CSMD2: variants seen among roughly 807,000 people sequenced by gnomAD.
CSMD2 encodes CUB and Sushi multiple domains 2, also known as CUB and sushi domain-containing protein 2.
Under a neutral mutation model 398.5 loss-of-function variants are expected in CSMD2, and 130 were observed. That is an observed-to-expected ratio of 0.33 (90% CI 0.28 to 0.38). The LOEUF (loss-of-function observed/expected upper bound fraction) is 0.38, where lower values mean the gene tolerates loss of function less well. Among genes scored for constraint, CSMD2 ranks in the 10% least tolerant of loss-of-function variants. The pLI is 1.00. For missense variants in CSMD2, 3,829 were observed against 4,764.9 expected (o/e 0.80, Z 5.78); for synonymous variants, 1,828 against 1,908.5 (o/e 0.96, Z 1.10).
At chr1:33,792,385 C>T (rs368017022) in intron 11 of CSMD2, 38 bp downstream of exon 11, 57 of 1,492,848 alleles carry the variant, frequency 3.8e-5, no homozygotes, top group African/African-American at 3.4e-4. Context: ...CCCCAGCCAC[C>T]GTCCCACCTT....
chr1:33,818,313 T>C lies in CSMD2; in HGVS notation c.1324+1400A>G, dbSNP rs184405330. On this transcript the variant is annotated intron_variant, in intron 9 of 70. Coordinates refer to ENST00000373381, the MANE Select transcript of CSMD2 (RefSeq NM_001281956.2). ...CCGTCATCCATTCAACACCTGTTAC[T>C]GAGTACCTGCTACATGCCACGCCCC... 3.8e-3 allele frequency among the ~76,000 whole-genome samples: 585 copies of C among 152,298 alleles called. 4 individuals are homozygous for C. The highest frequency in any genetic ancestry group is 4.3e-3 in the Non-Finnish European group (294 of 68,024).
chr1:33,734,943 T>C (rs930067444), intron 15 of CSMD2, among the ~76,000 whole-genome samples: 1 of 152,204 alleles, frequency 6.6e-6, no homozygotes, highest in Non-Finnish European at 1.5e-5. Context: ...TCATAACTGA[T>C]ATGTTTGTCT....
intron 1 of CSMD2, among the ~76,000 whole-genome samples, chr1:34,160,931 A>G (rs549728914): frequency 1.3e-5 from 2 of 152,192 alleles, no homozygotes; most frequent in Non-Finnish European, 2.9e-5. Flanking sequence ...TCAGAATTCC[A>G]TCTACTTAAA....
At chr1:34,017,085 C>T (rs977691936) in intron 3 of CSMD2, among the ~76,000 whole-genome samples, 1 of 152,068 alleles carries the variant, frequency 6.6e-6, no homozygotes, top group Non-Finnish European at 1.5e-5. Context: ...GTATATATGC[C>T]AGTTTGGAAA....
At chr1:34,007,049 G>C (rs1417932386) in intron 3 of CSMD2, among the ~76,000 whole-genome samples, 1 of 152,124 alleles carries the variant, frequency 6.6e-6, no homozygotes, top group Non-Finnish European at 1.5e-5. Flanking sequence ...TGAATGACCA[G>C]AGCATCCTGG....
intron 1 of CSMD2, among the ~76,000 whole-genome samples, chr1:34,154,061 T>A (rs1320402826): frequency 6.6e-6 from 1 of 152,084 alleles, no homozygotes; most frequent in Non-Finnish European, 1.5e-5. Flanking sequence ...AGGCAAGAGA[T>A]CCAATTTTTA....
chr1:33,739,020 G>T, intron 15 of CSMD2, 120 bp downstream of exon 15: 1 of 928,824 alleles, frequency 1.1e-6, no homozygotes, highest in Non-Finnish European at 1.6e-6. Flanking sequence ...GTGGCCCTTC[G>T]TTCTGGGAGA....
chr1:33,601,749 A>C (rs766643232), intron 43 of CSMD2, among the ~76,000 whole-genome samples: 2 of 152,254 alleles, frequency 1.3e-5, no homozygotes, highest in Non-Finnish European at 2.9e-5. Context: ...GTATATAACT[A>C]CATAACTCAG....
intron 28 of CSMD2, among the ~76,000 whole-genome samples, chr1:33,649,310 T>C (rs534247977): frequency 7.2e-5 from 11 of 152,346 alleles, no homozygotes; most frequent in Admixed American, 5.9e-4. Context: ...ACCATGACTT[T>C]AAGTGAAATG....
Position 33,572,670 on chromosome 1 carries a change from T to C in CSMD2, c.7598A>G (p.Glu2533Gly), listed in dbSNP as rs200288355. ...AAACACCATTCCATTCTTGGGGGCC[T>C]CAGGAAGCCCACAGGAAAGAGCTAG... ...LCQALSCGLP[E>G]APKNGMVFGK... The change falls in exon 50 of 71, where the codon GAG (glutamate) becomes GGG (glycine). Residue 2533 changes from glutamate (E) to glycine (G), a missense_variant. This residue lies in a region of CSMD2 where 723 missense variants were observed against 758.6 expected (regional missense o/e 0.95). Coordinates refer to ENST00000373381, the MANE Select transcript of CSMD2 (RefSeq NM_001281956.2). 2.2e-5 allele frequency: 36 copies of C among 1,611,988 alleles called. No individual in the cohort carries two copies. The highest frequency in any genetic ancestry group is 2.9e-5 in the Non-Finnish European group (34 of 1,178,648).
chr1:33,676,908 T>C (rs1644733233), intron 25 of CSMD2, among the ~76,000 whole-genome samples: 2 of 152,238 alleles, frequency 1.3e-5, no homozygotes, highest in Non-Finnish European at 2.9e-5. Context: ...GCTAGCCATA[T>C]GTAGAAAGCT....
At chr1:33,558,878 T>G (rs1658288102) in intron 54 of CSMD2, among the ~76,000 whole-genome samples, 1 of 152,172 alleles carries the variant, frequency 6.6e-6, no homozygotes, top group Non-Finnish European at 1.5e-5. Context: ...CCAAAGGAGC[T>G]GCAGCAGCCA....
intron 10 of CSMD2, among the ~76,000 whole-genome samples, chr1:33,800,526 G>A (rs1486009395): frequency 6.6e-6 from 1 of 152,178 alleles, no homozygotes; most frequent in East Asian, 1.9e-4. Flanking sequence ...CAAGTGCCGG[G>A]CTTTGGAGGG....
At chr1:33,574,330 C>T (rs1335516078) in intron 49 of CSMD2, among the ~76,000 whole-genome samples, 1 of 151,962 alleles carries the variant, frequency 6.6e-6, no homozygotes. Context: ...GGAGTAGGGT[C>T]GACATTATGT....
At chr1:34,147,383 G>A (rs1639874614) in intron 1 of CSMD2, among the ~76,000 whole-genome samples, 1 of 152,224 alleles carries the variant, frequency 6.6e-6, no homozygotes, top group Admixed American at 6.5e-5. Flanking sequence ...GTCAGACGCT[G>A]AAGAGGGGGA....
chr1:33,693,146 G>T, intron 24 of CSMD2, 90 bp from the exon 25 acceptor site: 2 of 1,414,196 alleles, frequency 1.4e-6, no homozygotes, highest in Non-Finnish European at 1.9e-6. Flanking sequence ...TTGCTCTTGA[G>T]TCCCTTCCCT....
At position 33,518,112 on chromosome 1, in the gene CSMD2, C is replaced by A. The variant is rs1653926517; in HGVS notation, c.*53+1353G>T. Reference sequence around the variant, plus strand: ...CCACCGCCCTCACTGGGAATCCCTACCTGGCTGGCTCTGTGACTCTTCTCC... The same window carrying A: ...CCACCGCCCTCACTGGGAATCCCTAACTGGCTGGCTCTGTGACTCTTCTCC... On this transcript the variant is annotated intron_variant, in intron 70 of 70. Coordinates refer to ENST00000373381, the MANE Select transcript of CSMD2 (RefSeq NM_001281956.2). The surrounding 1 kb of genome is among the most constrained non-coding windows in gnomAD (Gnocchi z 4.3). 1.3e-5 allele frequency among the ~76,000 whole-genome samples: 2 copies of A among 152,246 alleles called. No individual in the cohort carries two copies. The highest frequency in any genetic ancestry group is 2.9e-5 in the Non-Finnish European group (2 of 68,046).
intron 53 of CSMD2, among the ~76,000 whole-genome samples, chr1:33,564,882 C>T (rs983793537): frequency 1.3e-5 from 2 of 152,306 alleles, no homozygotes; most frequent in East Asian, 3.9e-4. Context: ...CATAAAGGCT[C>T]ACTTTAGGGA....
At chr1:34,082,507 T>A (rs916060195) in intron 2 of CSMD2, among the ~76,000 whole-genome samples, 4 of 150,248 alleles carry the variant, frequency 2.7e-5, no homozygotes, top group African/African-American at 4.9e-5. Flanking sequence ...GGGGCACCTC[T>A]GCCTGGCCGC....
Sources: allele counts gnomAD v4.1 joint callset (sites outside exome capture counted in the v4.1 genomes callset), GRCh38; gene constraint gnomAD v4.1.1; regional missense constraint gnomAD v4.1.1; non-coding constraint Gnocchi (gnomAD v3.1); transcripts MANE v1.5; gene names NCBI Gene and HGNC (gene_info 2026-07-23, HGNC 2026-07-21).